MAGI1: variants seen among roughly 807,000 people sequenced by gnomAD.
MAGI1 encodes the protein membrane-associated guanylate kinase, WW and PDZ domain-containing protein 1.
MAGI1 carries 58 observed loss-of-function variants against 139.9 expected under a neutral mutation model. That is an observed-to-expected ratio of 0.41 (90% CI 0.34 to 0.52). The LOEUF (loss-of-function observed/expected upper bound fraction) is 0.52, where lower values mean the gene tolerates loss of function less well. MAGI1 is among the 20% of genes least tolerant of loss of function. The probability of loss-of-function intolerance (pLI) is 0.12; values close to 1 mark genes in which losing one functional copy is unlikely to be tolerated. For synonymous variants in MAGI1, 812 were observed against 737.9 expected (o/e 1.10, Z -1.63); for missense variants, 1,874 against 1,901.6 (o/e 0.99, Z 0.27).
intron 1 of MAGI1, among the ~76,000 whole-genome samples, chr3:65,860,836 C>G (rs1559952415): frequency 6.6e-6 from 1 of 152,126 alleles, no homozygotes; most frequent in Non-Finnish European, 1.5e-5. Context: ...ATTTGTCAAG[C>G]CATTTCAAAG....
chr3:65,428,507 C>T (rs1575709634), intron 12 of MAGI1, among the ~76,000 whole-genome samples: 1 of 152,096 alleles, frequency 6.6e-6, no homozygotes, highest in South Asian at 2.1e-4. Flanking sequence ...AACTACTAAA[C>T]GCGAGCATGT....
intron 1 of MAGI1, among the ~76,000 whole-genome samples, chr3:65,889,202 T>C (rs1237428251): frequency 1.3e-5 from 2 of 152,332 alleles, no homozygotes; most frequent in East Asian, 1.9e-4. Flanking sequence ...CTGGCTGATA[T>C]AATGTCCATG....
intron 2 of MAGI1, among the ~76,000 whole-genome samples, chr3:65,563,403 C>A (rs1431901490): frequency 6.6e-6 from 1 of 152,140 alleles, no homozygotes; most frequent in Non-Finnish European, 1.5e-5. Context: ...AGTCTCCCTC[C>A]CACATGAAGA....
intron 22 of MAGI1, chr3:65,359,979 C>G: frequency 1.0e-6 from 1 of 985,374 alleles, no homozygotes; most frequent in Non-Finnish European, 1.2e-6. Flanking sequence ...TGCACAGCCA[C>G]GGCATCTTAA....
At chr3:65,519,335 G>GACACAC (rs35232258) in intron 2 of MAGI1, among the ~76,000 whole-genome samples, 3 of 139,146 alleles carry the variant, frequency 2.2e-5, no homozygotes, top group Admixed American at 7.2e-5. Context: ...ATCATGATCT[G>GACACAC]ACACACACAC....
In MAGI1 at chr3:65,356,899, C is replaced by T. The variant is rs1206444364; in HGVS notation, c.3868G>A (p.Asp1290Asn). 6.2e-7 allele frequency: 1 copy of T among 1,614,164 alleles called. No homozygotes were observed. The highest frequency in any genetic ancestry group is 2.2e-5 in the East Asian group (1 of 44,852). ...TCCTTGGGTCGGCATGCCCCGCTGT[C>T]GGGTTTCCTCGAAGTCCCATTCCAG... is the stretch of plus-strand genomic sequence containing the variant. ...HTWNGTSRKP[D>N]SGACRPKDRA... Residue 1290 changes from aspartate (D) to asparagine (N), a missense_variant, in exon 23 of 23, where the codon GAC (aspartate) becomes AAC (asparagine). Transcript: ENST00000402939.
intron 1 of MAGI1, among the ~76,000 whole-genome samples, chr3:66,002,444 G>C (rs925406306): frequency 7.2e-5 from 11 of 152,078 alleles, no homozygotes; most frequent in Non-Finnish European, 1.5e-5. Context: ...GGGTGGTGGT[G>C]AAGATCTCTG....
At chr3:65,661,909 G>A (rs1317302000) in intron 1 of MAGI1, among the ~76,000 whole-genome samples, 2 of 151,166 alleles carry the variant, frequency 1.3e-5, no homozygotes, top group Non-Finnish European at 2.9e-5. Context: ...CACCATGCCC[G>A]GCTAAATTTT....
intron 2 of MAGI1, among the ~76,000 whole-genome samples, chr3:65,576,856 T>C (rs748665067): frequency 5.3e-5 from 8 of 152,200 alleles, no homozygotes; most frequent in African/African-American, 1.9e-4. Context: ...TTGATACTTA[T>C]ATTGCAGAGT....
intron 1 of MAGI1, among the ~76,000 whole-genome samples, chr3:65,732,559 GAC>G (rs2034298109): frequency 6.6e-6 from 1 of 152,172 alleles, no homozygotes; most frequent in South Asian, 2.1e-4. Flanking sequence ...AAAGAAGAAA[GAC>G]TGCTAATCAC....
chr3:65,820,175 A>C (rs2041867059), intron 1 of MAGI1, among the ~76,000 whole-genome samples: 1 of 152,118 alleles, frequency 6.6e-6, no homozygotes, highest in Non-Finnish European at 1.5e-5. Context: ...GAGAAAAAAA[A>C]ACTGCCACAC....
At chr3:65,776,116 T>C (rs1195566459) in intron 1 of MAGI1, among the ~76,000 whole-genome samples, 1 of 152,152 alleles carries the variant, frequency 6.6e-6, no homozygotes, top group Non-Finnish European at 1.5e-5. Flanking sequence ...TAGTTTGCAA[T>C]TTTTGCCACT....
At chr3:65,593,247 A>C (rs1322052343) in intron 2 of MAGI1, among the ~76,000 whole-genome samples, 1 of 152,150 alleles carries the variant, frequency 6.6e-6, no homozygotes, top group Non-Finnish European at 1.5e-5. Context: ...CTCCACAATT[A>C]ATGAGAAAAT....
intron 1 of MAGI1, among the ~76,000 whole-genome samples, chr3:65,861,338 C>T (rs950973378): frequency 1.2e-4 from 18 of 152,164 alleles, no homozygotes; most frequent in African/African-American, 4.1e-4. Context: ...CACCACCCCA[C>T]CCAAAGTTTC....
intron 1 of MAGI1, among the ~76,000 whole-genome samples, chr3:65,972,992 AAAGT>A (rs2065080860): frequency 6.6e-6 from 1 of 151,968 alleles, no homozygotes; most frequent in African/African-American, 2.4e-5. Context: ...ACTCAGATGA[AAAGT>A]AAGGCAGTCC....
intron 1 of MAGI1, among the ~76,000 whole-genome samples, chr3:65,958,935 T>G (rs1195219100): frequency 6.6e-6 from 1 of 151,540 alleles, no homozygotes; most frequent in African/African-American, 2.4e-5. Flanking sequence ...TACAGTGAGC[T>G]GAGATCGTGC....
At chr3:65,723,792 G>T (rs764017687) in intron 1 of MAGI1, among the ~76,000 whole-genome samples, 4 of 152,174 alleles carry the variant, frequency 2.6e-5, no homozygotes, top group Non-Finnish European at 5.9e-5. Flanking sequence ...TTTTGGTGGA[G>T]AACTTATGCT....
intron 2 of MAGI1, among the ~76,000 whole-genome samples, chr3:65,522,499 G>A (rs1204259195): frequency 6.6e-6 from 1 of 152,154 alleles, no homozygotes; most frequent in Non-Finnish European, 1.5e-5. Flanking sequence ...TGATGTATGA[G>A]AAAGGGTACA....
At chr3:65,859,852 C>G (rs113528121) in intron 1 of MAGI1, among the ~76,000 whole-genome samples, 18,375 of 151,664 alleles carry the variant, frequency 0.12, 1,258 homozygotes, top group African/African-American at 0.17. Flanking sequence ...TAACCCTTAC[C>G]AAAAAGTAAC....
Sources: gnomAD v4.1 joint callset for allele counts (sites outside exome capture counted in the v4.1 genomes callset) on GRCh38, gnomAD v4.1.1 for gene constraint, MANE v1.5 for transcripts, NCBI Gene and HGNC (gene_info 2026-07-23, HGNC 2026-07-21) for gene names.